LDLRAD3: variants seen among roughly 807,000 people sequenced by gnomAD.
LDLRAD3 encodes low-density lipoprotein receptor class A domain-containing protein 3.
In LDLRAD3, 20 loss-of-function variants were observed where a neutral mutation model predicts 29.4. The ratio of observed to expected loss-of-function variants is 0.68; its 90% CI spans 0.48 to 0.99. The LOEUF is 0.99. Ranked by LOEUF, LDLRAD3 falls within the 50% of genes least tolerant of loss-of-function variation. LDLRAD3 has a pLI of 0.00. For missense variants in LDLRAD3, 420 were observed against 454.3 expected, an observed-to-expected ratio of 0.92 and a Z score of 0.69; for synonymous variants, 157 against 192.7, an observed-to-expected ratio of 0.81 and a Z score of 1.53.
intron 4 of LDLRAD3, among the ~76,000 whole-genome samples, chr11:36,201,990 G>C (rs1456763735): frequency 6.7e-6 from 1 of 150,202 alleles, no homozygotes; most frequent in Non-Finnish European, 1.5e-5. Flanking sequence ...ATGCCACTTT[G>C]TTTCATTTCC....
chr11:36,012,598 A>G (rs938865814), intron 1 of LDLRAD3, among the ~76,000 whole-genome samples: 26 of 152,204 alleles, frequency 1.7e-4, no homozygotes, highest in Admixed American at 3.3e-4. Context: ...TTAAGTGACT[A>G]ATAGGCAGAT....
At chr11:35,965,695 G>T (rs1590690202) in intron 1 of LDLRAD3, among the ~76,000 whole-genome samples, 1 of 152,294 alleles carries the variant, frequency 6.6e-6, no homozygotes, top group East Asian at 1.9e-4. Context: ...CCAGGCGTAT[G>T]TTAGGAGAGA....
At chr11:35,997,139 C>A (rs1851765391) in intron 1 of LDLRAD3, 2 of 269,318 alleles carry the variant, frequency 7.4e-6, no homozygotes, top group South Asian at 8.2e-5. Flanking sequence ...ACTTTTGTTT[C>A]TTTTTTTTAG....
chr11:36,155,850 A>G (rs1854342460), intron 4 of LDLRAD3, among the ~76,000 whole-genome samples: 1 of 152,118 alleles, frequency 6.6e-6, no homozygotes, highest in African/African-American at 2.4e-5. Flanking sequence ...GTTGGAGCCT[A>G]GTCTTGGTCC....
intron 4 of LDLRAD3, among the ~76,000 whole-genome samples, chr11:36,164,388 G>T (rs913847230): frequency 6.6e-6 from 1 of 152,212 alleles, no homozygotes; most frequent in African/African-American, 2.4e-5. Flanking sequence ...TTGTGCCCCT[G>T]CCCCTGCACT....
chr11:36,124,699 T>A (rs1446435539), intron 4 of LDLRAD3, among the ~76,000 whole-genome samples: 3 of 151,672 alleles, frequency 2.0e-5, no homozygotes, highest in Non-Finnish European at 2.9e-5. Flanking sequence ...TCTTTTTTTT[T>A]TTTTTTCTTG....
intron 5 of LDLRAD3, among the ~76,000 whole-genome samples, chr11:36,228,209 C>T (rs1855526596): frequency 6.6e-6 from 1 of 152,204 alleles, no homozygotes; most frequent in Non-Finnish European, 1.5e-5. Context: ...GACCCTCTTC[C>T]ATGGCAGCTC....
At chr11:35,960,136 G>A (rs927920094) in intron 1 of LDLRAD3, among the ~76,000 whole-genome samples, 10 of 152,068 alleles carry the variant, frequency 6.6e-5, no homozygotes, top group Non-Finnish European at 7.4e-5. Flanking sequence ...AATGGCCTAC[G>A]CTTCTGCAGC....
At chr11:36,165,888 T>C (rs565079711) in intron 4 of LDLRAD3, among the ~76,000 whole-genome samples, 1 of 152,010 alleles carries the variant, frequency 6.6e-6, no homozygotes, top group South Asian at 2.1e-4. Flanking sequence ...TTAAATATTT[T>C]AGTAACCGTT....
At chr11:36,107,892 C>A (rs1369932474) in intron 4 of LDLRAD3, among the ~76,000 whole-genome samples, 1 of 152,198 alleles carries the variant, frequency 6.6e-6, no homozygotes, top group Non-Finnish European at 1.5e-5. Flanking sequence ...GCCCAGGAGA[C>A]AAAGGCACGT....
rs377285801 is a variant in LDLRAD3, at chr11:36,184,714, A to G, written c.455-42371A>G. Among the ~76,000 whole-genome samples, 4 of 152,186 alleles carry G rather than the reference A, an allele frequency of 2.6e-5. No individual in the cohort carries two copies. The East Asian group carries it at 7.7e-4, about 29-fold the overall frequency. ...TGAGAAGGCCATCCATGGTGAATAA[A>G]TCCTTCCACATCTCCCTTGTTGAAT... On this transcript the variant is annotated intron_variant, in intron 4 of 5. Coordinates refer to ENST00000315571, the MANE Select transcript of LDLRAD3 (RefSeq NM_174902.4).
chr11:36,099,388 A>G (rs1056070861), intron 4 of LDLRAD3, among the ~76,000 whole-genome samples: 17 of 152,148 alleles, frequency 1.1e-4, no homozygotes, highest in African/African-American at 4.1e-4. Context: ...AAGAATATAT[A>G]TTTCTAATGT....
At chr11:35,994,615 T>G (rs546744573) in intron 1 of LDLRAD3, among the ~76,000 whole-genome samples, 10 of 152,234 alleles carry the variant, frequency 6.6e-5, no homozygotes, top group Admixed American at 6.5e-4. Context: ...TACAATGAAG[T>G]TTACCACATC....
rs533963424 is a variant in LDLRAD3 at position 36,014,083 on chromosome 11, G to A, written c.47-22020G>A. 2.1e-3 allele frequency among the ~76,000 whole-genome samples: 322 copies of A among 152,266 alleles called. 1 individual carries two copies. The highest frequency in any genetic ancestry group is 7.2e-3 in the African/African-American group (300 of 41,542). On this transcript the variant is annotated intron_variant, in intron 1 of 5. Coordinates refer to ENST00000315571, the MANE Select transcript of LDLRAD3 (RefSeq NM_174902.4). ...GCTGAACTGTGGGCCTGTGATTCTT[G>A]GGCCTGGCAAGTGTGTGCTGAGGTG...
chr11:36,165,603 C>T (rs1854501882), intron 4 of LDLRAD3, among the ~76,000 whole-genome samples: 1 of 152,106 alleles, frequency 6.6e-6, no homozygotes, highest in African/African-American at 2.4e-5. Context: ...CAGCTCCCTT[C>T]TAAGTGTTGA....
intron 2 of LDLRAD3, among the ~76,000 whole-genome samples, chr11:36,055,359 T>C (rs1377073552): frequency 6.6e-6 from 1 of 151,928 alleles, no homozygotes; most frequent in East Asian, 2.0e-4. Flanking sequence ...TCCCTCTCTT[T>C]CTCTCTCAGC....
intron 4 of LDLRAD3, among the ~76,000 whole-genome samples, chr11:36,119,751 G>A (rs1454955101): frequency 6.6e-6 from 1 of 151,942 alleles, no homozygotes; most frequent in Admixed American, 6.6e-5. Flanking sequence ...TCAGATACAC[G>A]ATTTGCAAAT....
At chr11:36,052,729 T>A (rs1450679916) in intron 2 of LDLRAD3, among the ~76,000 whole-genome samples, 2 of 152,226 alleles carry the variant, frequency 1.3e-5, no homozygotes, top group Non-Finnish European at 2.9e-5. Context: ...ACCTGTTAAG[T>A]GTTTAACAGG....
At chr11:36,169,747 G>A (rs1398371262) in intron 4 of LDLRAD3, among the ~76,000 whole-genome samples, 1 of 152,230 alleles carries the variant, frequency 6.6e-6, no homozygotes, top group Non-Finnish European at 1.5e-5. Flanking sequence ...TAATAGAGCT[G>A]CATAAGCATG....
Sources: gnomAD v4.1 joint callset for allele counts (sites outside exome capture counted in the v4.1 genomes callset) on GRCh38, gnomAD v4.1.1 for gene constraint, MANE v1.5 for transcripts, NCBI Gene and HGNC (gene_info 2026-07-23, HGNC 2026-07-21) for gene names.